Variants in ZNF385D observed in about 807,000 individuals in gnomAD.
ZNF385D encodes the protein zinc finger protein 659.
ZNF385D carries 15 observed loss-of-function variants against 35.8 expected under a neutral mutation model. The ratio of observed to expected loss-of-function variants is 0.42; its 90% CI spans 0.28 to 0.64. The LOEUF (loss-of-function observed/expected upper bound fraction) is 0.64, where lower values mean the gene tolerates loss of function less well. Ranked by LOEUF, ZNF385D falls within the 30% of genes least tolerant of loss-of-function variation. The pLI is 0.23. For synonymous variants in ZNF385D, 212 were observed against 186.8 expected (o/e 1.13, Z -1.10); for missense variants, 474 against 494.6 (o/e 0.96, Z 0.39).
At chr3:22,087,187 T>C (rs1474548147) in intron 3 of ZNF385D, among the ~76,000 whole-genome samples, 1 of 152,146 alleles carries the variant, frequency 6.6e-6, no homozygotes, top group Non-Finnish European at 1.5e-5. Flanking sequence ...CTGAAAAGTA[T>C]GTCATATTCC....
chr3:22,189,833 A>G lies in ZNF385D; in HGVS notation c.107-20798T>C, dbSNP rs550485458. On this transcript the variant is annotated intron_variant, in intron 2 of 5. Transcript: ENST00000494108. ...CACAGACATGGGCCCAGCCAATTCT[A>G]CATTGCCTTGTGTCCTGTTGAAAGT... 9.2e-5 allele frequency among the ~76,000 whole-genome samples: 14 copies of G among 152,312 alleles called. No individual in the cohort carries two copies. The South Asian group carries it at 2.9e-3, about 32-fold the overall frequency.
intron 3 of ZNF385D, chr3:21,979,762 G>C (rs1576069923): frequency 1.3e-5 from 2 of 152,172 alleles, no homozygotes; most frequent in Non-Finnish European, 2.9e-5. Context: ...GATAAGTAGA[G>C]AAAGAAAGCA....
intron 3 of ZNF385D, among the ~76,000 whole-genome samples, chr3:21,891,980 C>A (rs1298986506): frequency 1.3e-5 from 2 of 152,136 alleles, no homozygotes; most frequent in Admixed American, 1.3e-4. Flanking sequence ...TTATCAACAG[C>A]AGCAAAGATA....
chr3:22,333,056 C>A (rs1270789356), intron 2 of ZNF385D, among the ~76,000 whole-genome samples: 4 of 152,034 alleles, frequency 2.6e-5, no homozygotes, highest in Non-Finnish European at 5.9e-5. Flanking sequence ...ACCTTAAGTC[C>A]TGAATATTAT....
At chr3:21,768,725 G>A (rs1250973884) in intron 3 of ZNF385D, among the ~76,000 whole-genome samples, 1 of 151,910 alleles carries the variant, frequency 6.6e-6, no homozygotes, top group African/African-American at 2.4e-5. Flanking sequence ...ACCAAGAGGT[G>A]GGTAGTTACT....
chr3:22,105,008 A>T (rs530240338), intron 3 of ZNF385D, among the ~76,000 whole-genome samples: 2 of 152,290 alleles, frequency 1.3e-5, no homozygotes, highest in East Asian at 3.9e-4. Context: ...GGAGTTTAGA[A>T]GATTAAAACT....
intron 3 of ZNF385D, among the ~76,000 whole-genome samples, chr3:21,865,624 C>G (rs1697305331): frequency 1.3e-5 from 2 of 152,020 alleles, no homozygotes; most frequent in Non-Finnish European, 2.9e-5. Context: ...TTTGGGAGAG[C>G]AGAGAGCTGA....
chr3:22,059,068 C>T (rs1017219369), intron 3 of ZNF385D, among the ~76,000 whole-genome samples: 1 of 152,170 alleles, frequency 6.6e-6, no homozygotes, highest in African/African-American at 2.4e-5. Flanking sequence ...TTTGGGGCGG[C>T]CAAGCAGCTG....
intron 2 of ZNF385D, among the ~76,000 whole-genome samples, chr3:21,592,563 C>CAA (rs200460514): frequency 1.3e-3 from 124 of 92,358 alleles, no homozygotes; most frequent in African/African-American, 3.9e-3. Flanking sequence ...AAACCAAAAA[C>CAA]AAAAAAAAAA....
chr3:22,064,929 C>G (rs976020913), intron 3 of ZNF385D, among the ~76,000 whole-genome samples: 1 of 152,124 alleles, frequency 6.6e-6, no homozygotes, highest in Non-Finnish European at 1.5e-5. Context: ...TTTCTTAAAG[C>G]TAATGTATCA....
intron 3 of ZNF385D, among the ~76,000 whole-genome samples, chr3:21,960,203 T>TACAC (rs61528907): frequency 2.0e-5 from 3 of 149,468 alleles, no homozygotes; most frequent in African/African-American, 7.4e-5. Flanking sequence ...TAAACAGCAA[T>TACAC]ACACACACAC....
At chr3:21,448,930 A>G (rs453990) in intron 4 of ZNF385D, among the ~76,000 whole-genome samples, 98,045 of 151,910 alleles carry the variant, frequency 0.65, 31,941 homozygotes, top group African/African-American at 0.72. Flanking sequence ...TTGTAATTGT[A>G]TCACCATTTC....
At chr3:22,341,789 C>T (rs1456052578) in intron 2 of ZNF385D, among the ~76,000 whole-genome samples, 2 of 152,164 alleles carry the variant, frequency 1.3e-5, no homozygotes, top group East Asian at 1.9e-4. Flanking sequence ...ACTTATCATT[C>T]AACATCTCCC....
intron 4 of ZNF385D, among the ~76,000 whole-genome samples, chr3:21,449,452 A>C (rs1292969913): frequency 6.6e-6 from 1 of 152,186 alleles, no homozygotes; most frequent in African/African-American, 2.4e-5. Flanking sequence ...AATTTTGATA[A>C]GATAATGTTT....
intron 1 of ZNF385D, among the ~76,000 whole-genome samples, chr3:21,723,154 C>T (rs1209602418): frequency 6.6e-6 from 1 of 152,172 alleles, no homozygotes. Context: ...AGGTCACCAA[C>T]ATCAAAGACG....
intron 2 of ZNF385D, among the ~76,000 whole-genome samples, chr3:22,187,255 T>C (rs974788682): frequency 6.6e-6 from 1 of 152,222 alleles, no homozygotes; most frequent in Non-Finnish European, 1.5e-5. Context: ...ACTGCAGTCA[T>C]TTATTTAATC....
chr3:22,050,363 A>C (rs3866340), intron 3 of ZNF385D, among the ~76,000 whole-genome samples: 15,919 of 151,998 alleles, frequency 0.1, 1,119 homozygotes, highest in South Asian at 0.25. Flanking sequence ...CTCTGTCAAA[A>C]AAACAAACAA....
At chr3:21,850,559 C>T (rs143061532) in intron 3 of ZNF385D, among the ~76,000 whole-genome samples, 1 of 152,206 alleles carries the variant, frequency 6.6e-6, no homozygotes, top group Non-Finnish European at 1.5e-5. Flanking sequence ...GAGCATTTGG[C>T]TGAATGCTAA....
rs185619776 is a variant in ZNF385D, at chr3:22,212,286, C to A, written c.107-43251G>T. ...GTTTCTGCTGTACCCATCTATCAATCCTTGCTCCACATAAAGACAAAAACA... is the reference window on the plus strand; with the variant it reads ...GTTTCTGCTGTACCCATCTATCAATACTTGCTCCACATAAAGACAAAAACA... On this transcript the variant is annotated intron_variant, in intron 2 of 5. Coordinates refer to the ZNF385D transcript ENST00000494108. Among the ~76,000 whole-genome samples the A allele has an allele frequency of 2.5e-3, 385 of 152,142 alleles. 1 individual carries two copies. Among genetic ancestry groups the A allele is most frequent in the African/African-American group, 9.0e-3 (372 of 41,538 alleles).
Sources: allele counts gnomAD v4.1 joint callset (sites outside exome capture counted in the v4.1 genomes callset), GRCh38; gene constraint gnomAD v4.1.1; transcripts MANE v1.5; gene names NCBI Gene and HGNC (gene_info 2026-07-23, HGNC 2026-07-21).